EVC2: variants seen among roughly 807,000 people sequenced by gnomAD.
EVC2 encodes the protein limbin.
A neutral mutation model predicts 149.3 loss-of-function variants in EVC2; 148 were observed. The ratio of observed to expected loss-of-function variants is 0.99; its 90% CI spans 0.87 to 1.14. The LOEUF (loss-of-function observed/expected upper bound fraction) is 1.14, where lower values mean the gene tolerates loss of function less well. Ranked by LOEUF, EVC2 falls within the 50% of genes most tolerant of loss-of-function variation. EVC2 has a pLI of 0.00. For synonymous variants in EVC2, 776 were observed against 649.9 expected (o/e 1.19, Z -2.95); for missense variants, 1,854 against 1,627.3 (o/e 1.14, Z -2.40).
chr4:5,637,990 T>TAA lies in EVC2; in HGVS notation c.1470+2522_1470+2523dup, dbSNP rs1413957985. ...AAACATTCTCAACTTGCAGGCCACATAAAAACAAGCTGGGTAAGATTGGGC... is the reference window on the plus strand; with the variant it reads ...AAACATTCTCAACTTGCAGGCCACATAAAAAAACAAGCTGGGTAAGATTGGGC... On this transcript the variant is annotated intron_variant, in intron 10 of 21. Transcript: ENST00000344408. This position sits in a 1 kb window ranked among gnomAD's most constrained non-coding sequence, Gnocchi z 4.4. Among the ~76,000 whole-genome samples, 12 of 152,270 alleles carry TAA rather than the reference T, an allele frequency of 7.9e-5. No homozygotes were observed. In the South Asian group the frequency reaches 8.3e-4, roughly 11 times the overall value.
chr4:5,689,767 G>A (rs560170878), intron 4 of EVC2, among the ~76,000 whole-genome samples: 47 of 152,296 alleles, frequency 3.1e-4, no homozygotes, highest in Admixed American at 9.2e-4. Context: ...GGAAGGACCC[G>A]AGCTGCTCGT....
In EVC2 at chr4:5,631,892, C is replaced by A. The variant is rs1023696806; in HGVS notation, c.1611G>T (p.Leu537=). 3 of 1,614,218 alleles carry A rather than the reference C, an allele frequency of 1.9e-6. No individual in the cohort carries two copies. Among genetic ancestry groups the A allele is most frequent in the Non-Finnish European group, 2.5e-6 (3 of 1,180,044 alleles). Residue 537 remains leucine (L), a synonymous_variant, in exon 11 of 22, where the codon CTG becomes CTT. Coordinates refer to ENST00000344408, the MANE Select transcript of EVC2 (RefSeq NM_147127.5). The stretch of plus-strand genomic sequence containing the variant: ...TTATCTGGGTAAAAAAGATACTGTG[C>A]AGTTCATTTCTCTGGAAAACAGCCA... The part of the protein sequence containing the change: ...RQLAVFQRNE[L]HSIFFTQIKS...
chr4:5,586,043 G>A lies in EVC2; in HGVS notation c.2830-1193C>T, dbSNP rs1009350817. Among the ~76,000 whole-genome samples the A allele has an allele frequency of 6.6e-5, 10 of 152,060 alleles. No individual in the cohort carries two copies. In the East Asian group the frequency reaches 1.9e-3, roughly 29 times the overall value. On this transcript the variant is annotated intron_variant, in intron 16 of 21. Transcript: ENST00000344408. ...CACCCAGCTAATTTTTGTAATTTTA[G>A]TAGAGATGGGGTTTCACCATGTTGC...
rs899513945 is a variant in EVC2 at position 5,657,611 on chromosome 4, A to G, written c.1145+5496T>C. Among the ~76,000 whole-genome samples the G allele has an allele frequency of 2.6e-5, 4 of 152,062 alleles. No individual in the cohort carries two copies. Among genetic ancestry groups the G allele is most frequent in the African/African-American group, 7.2e-5 (3 of 41,400 alleles). ...CTTTCCACCAAGAACACCATTGTGT[A>G]GAGGCACCTACTGTGCCAGGCACTG... On this transcript the variant is annotated intron_variant, in intron 9 of 21. Coordinates refer to ENST00000344408, the MANE Select transcript of EVC2 (RefSeq NM_147127.5). This position sits in a 1 kb window ranked among gnomAD's most constrained non-coding sequence, Gnocchi z 4.7.
intron 16 of EVC2, among the ~76,000 whole-genome samples, chr4:5,612,019 C>T (rs1714861499): frequency 6.6e-6 from 1 of 152,222 alleles, no homozygotes; most frequent in African/African-American, 2.4e-5. Context: ...CCTCTTCTCT[C>T]ACACACAGAC....
rs552808455 is a variant in EVC2 at position 5,677,960 on chromosome 4, T to A, written c.870+3300A>T. Among the ~76,000 whole-genome samples, 3 of 152,314 alleles carry A rather than the reference T, an allele frequency of 2.0e-5. No homozygotes were observed. Among genetic ancestry groups the A allele is most frequent in the African/African-American group, 7.2e-5 (3 of 41,576 alleles). ...CTCTCTGGGAGGCGGTGTGGTCCAGTGCCTGACAGCAGGGCTCTGGAGCCA... is the reference window on the plus strand; with the variant it reads ...CTCTCTGGGAGGCGGTGTGGTCCAGAGCCTGACAGCAGGGCTCTGGAGCCA... On this transcript the variant is annotated intron_variant, in intron 7 of 21. Transcript: ENST00000344408. The surrounding 1 kb of genome is among the most constrained non-coding windows in gnomAD (Gnocchi z 4.3).
At chr4:5,692,095 G>A (rs1389495941) in intron 3 of EVC2, among the ~76,000 whole-genome samples, 1 of 152,164 alleles carries the variant, frequency 6.6e-6, no homozygotes, top group Non-Finnish European at 1.5e-5. Context: ...TCTGCCTTGC[G>A]CACCTGTCAC....
chr4:5,553,774 C>G (rs1222538853), intron 21 of EVC2, among the ~76,000 whole-genome samples: 1 of 152,188 alleles, frequency 6.6e-6, no homozygotes. Flanking sequence ...CTGATCCCAA[C>G]TGACCTCACA....
the EVC2 span, among the ~76,000 whole-genome samples, chr4:5,531,687 C>A: frequency 6.6e-6 from 1 of 151,856 alleles, no homozygotes; most frequent in Non-Finnish European, 1.5e-5. Flanking sequence ...GTCACTGTCT[C>A]CCATCACCTC....
chr4:5,604,758 T>A (rs956294201), intron 16 of EVC2, among the ~76,000 whole-genome samples: 1 of 152,116 alleles, frequency 6.6e-6, no homozygotes. Flanking sequence ...CTAAATACCC[T>A]GACTTGACCA....
At chr4:5,641,350 T>C (rs909488300) in intron 9 of EVC2, among the ~76,000 whole-genome samples, 1 of 152,212 alleles carries the variant, frequency 6.6e-6, no homozygotes, top group African/African-American at 2.4e-5. Flanking sequence ...CAACGTTGAT[T>C]TGTTAATTTT....
At position 5,708,456 on chromosome 4, in the gene EVC2, C is replaced by T. The variant is rs1398732611; in HGVS notation, c.58G>A (p.Ala20Thr). The T allele has an allele frequency of 4.0e-6, 6 of 1,507,132 alleles. No homozygotes were observed. In the South Asian group the frequency reaches 7.4e-5, roughly 19 times the overall value. 93.4% of individuals were successfully genotyped at this position (1,507,132 alleles called of 1,614,324 possible). ...CGGCCCCCCAGCGCCAGGGCCACTG[C>T]CAGGAGACCCCCGGCCAGCACCCAC... ...PTWVLAGGLL[A>T]VALALGGRGC... The change falls in exon 1 of 22, where the codon GCA (alanine) becomes ACA (threonine). Residue 20 changes from alanine (A) to threonine (T), a missense_variant. Transcript: ENST00000344408.
rs1720706851 is a variant in EVC2, at chr4:5,686,263, G to T, written c.707-784C>A. On this transcript the variant is annotated intron_variant, in intron 5 of 21. Coordinates refer to ENST00000344408, the MANE Select transcript of EVC2 (RefSeq NM_147127.5). The surrounding 1 kb of genome is among the most constrained non-coding windows in gnomAD (Gnocchi z 5.4). Reference sequence around the variant, plus strand: ...TTCTGAGACAGGCTCTCTCTATGTTGCCCAGACTAGTCTCGAACTCCCAGG... The same window carrying T: ...TTCTGAGACAGGCTCTCTCTATGTTTCCCAGACTAGTCTCGAACTCCCAGG... Among the ~76,000 whole-genome samples, 1 of 151,772 alleles carries T rather than the reference G, an allele frequency of 6.6e-6. No individual in the cohort carries two copies. Among genetic ancestry groups the T allele is most frequent in the Non-Finnish European group, 1.5e-5 (1 of 67,956 alleles).
At chr4:5,607,252 A>G (rs761555091) in intron 16 of EVC2, among the ~76,000 whole-genome samples, 1 of 152,156 alleles carries the variant, frequency 6.6e-6, no homozygotes, top group Non-Finnish European at 1.5e-5. Flanking sequence ...CGATCTCTCT[A>G]CTCATGAAAA....
chr4:5,624,170 G>A (rs115445079), intron 13 of EVC2, among the ~76,000 whole-genome samples: 4,170 of 152,186 alleles, frequency 0.027, 140 homozygotes, highest in African/African-American at 0.082. Context: ...AGCAGTTGGT[G>A]CAAAGGCCCC....
At chr4:5,616,568 C>A (rs1325109199) in intron 15 of EVC2, among the ~76,000 whole-genome samples, 1 of 152,200 alleles carries the variant, frequency 6.6e-6, no homozygotes, top group Admixed American at 6.5e-5. Context: ...TAACATTGCT[C>A]CACCTGGCCC....
chr4:5,650,989 C>T (rs182067332), intron 9 of EVC2, among the ~76,000 whole-genome samples: 4 of 152,086 alleles, frequency 2.6e-5, no homozygotes, highest in Admixed American at 2.6e-4. Context: ...TTTTACAGCA[C>T]AGAAAAGAAG....
Position 5,628,651 on chromosome 4 carries a change from C to A in EVC2, c.1794G>T (p.Leu598=), listed in dbSNP as rs1577179214. 1 of 1,613,834 alleles carries A rather than the reference C, an allele frequency of 6.2e-7. No individual in the cohort carries two copies. The highest frequency in any genetic ancestry group is 8.5e-7 in the Non-Finnish European group (1 of 1,179,978). The change falls in exon 12 of 22, where the codon CTG becomes CTT. Residue 598 remains leucine (L), a synonymous_variant. Transcript: ENST00000344408. The part of the protein sequence containing the change: ...LSKRFGHREY[L]VQNLQSSETR... ...TCTCTGATGACTGGAGGTTCTGGAC[C>A]AGATATTCCCTGTGGCCAAATCTTT...
Position 5,689,218 on chromosome 4 carries a change from C to T in EVC2, c.645G>A (p.Trp215Ter), listed in dbSNP as rs779857359. Residue 215 changes from tryptophan (W) to a stop codon, truncating the protein, a stop_gained, in exon 5 of 22, where the codon TGG (tryptophan) becomes TGA (stop). Coordinates refer to ENST00000344408, the MANE Select transcript of EVC2 (RefSeq NM_147127.5). LOFTEE classifies it high-confidence loss of function. ...LLDSIAGLTI[W>*]DSVGNRTSEG... ...CCGAGGTCCTGTTTCCCACAGAGTC[C>T]CAAATGGTGAGACCAGCAATGCTGT... 1.9e-6 allele frequency: 3 copies of T among 1,614,154 alleles called. No individual in the cohort carries two copies. Among genetic ancestry groups the T allele is most frequent in the Admixed American group, 3.3e-5 (2 of 60,010 alleles).
Sources: allele counts gnomAD v4.1 joint callset (sites outside exome capture counted in the v4.1 genomes callset), GRCh38; gene constraint gnomAD v4.1.1; non-coding constraint Gnocchi (gnomAD v3.1); transcripts MANE v1.5; gene names NCBI Gene and HGNC (gene_info 2026-07-23, HGNC 2026-07-21).